CSMD1: variants seen among roughly 807,000 people sequenced by gnomAD.
CSMD1 encodes CUB and sushi domain-containing protein 1.
Under a neutral mutation model 417.5 loss-of-function variants are expected in CSMD1, and 213 were observed. The observed-to-expected ratio is 0.51, with a 90% CI of 0.46 to 0.57. The LOEUF is 0.57. CSMD1 is among the 20% of genes least tolerant of loss of function. The pLI is 0.00. For missense variants in CSMD1, 6,923 were observed against 4,529.7 expected (o/e 1.53, Z -15.17); for synonymous variants, 2,862 against 1,736.8 (o/e 1.65, Z -16.11).
intron 3 of CSMD1, among the ~76,000 whole-genome samples, chr8:4,375,995 G>C (rs1388357917): frequency 6.6e-6 from 1 of 152,140 alleles, no homozygotes; most frequent in African/African-American, 2.4e-5. Context: ...GTTTCTGAGA[G>C]CAGCCAAGGG....
chr8:3,631,697 G>T (rs1796791487), intron 7 of CSMD1, among the ~76,000 whole-genome samples: 1 of 152,158 alleles, frequency 6.6e-6, no homozygotes, highest in African/African-American at 2.4e-5. Context: ...TCAGACGGAG[G>T]GAAGAAATTT....
intron 37 of CSMD1, among the ~76,000 whole-genome samples, chr8:3,167,668 C>G (rs6558725): frequency 0.17 from 25,299 of 152,150 alleles, 7,022 homozygotes; most frequent in African/African-American, 0.57. Context: ...CCCCATGAAT[C>G]CAGCCTATGA....
chr8:4,866,801 C>A (rs1339813401), intron 1 of CSMD1, among the ~76,000 whole-genome samples: 2 of 151,916 alleles, frequency 1.3e-5, no homozygotes, highest in East Asian at 1.9e-4. Context: ...CAAAAATATT[C>A]CAATGATACA....
chr8:4,532,408 C>T (rs1563262548), intron 2 of CSMD1, among the ~76,000 whole-genome samples: 1 of 151,208 alleles, frequency 6.6e-6, no homozygotes, highest in Non-Finnish European at 1.5e-5. Context: ...CATTCAGTCA[C>T]TCCGGAAAAT....
chr8:4,007,324 C>A (rs67053416), intron 4 of CSMD1, among the ~76,000 whole-genome samples: 1 of 152,130 alleles, frequency 6.6e-6, no homozygotes, highest in Admixed American at 6.5e-5. Context: ...CCTCATCCTC[C>A]ACCTCCTTTG....
At chr8:4,044,482 G>T (rs2554559) in intron 3 of CSMD1, among the ~76,000 whole-genome samples, 1 of 151,980 alleles carries the variant, frequency 6.6e-6, no homozygotes, top group Non-Finnish European at 1.5e-5. Context: ...CACATCTCAG[G>T]GGACCAGCGA....
chr8:3,791,823 A>AAAT (rs201232733), intron 5 of CSMD1, among the ~76,000 whole-genome samples: 65 of 129,892 alleles, frequency 5.0e-4, no homozygotes, highest in African/African-American at 1.3e-3. Flanking sequence ...ACTCAGTATC[A>AAAT]AATAATAATA....
chr8:4,187,793 G>A (rs746330757), intron 3 of CSMD1, among the ~76,000 whole-genome samples: 8 of 151,704 alleles, frequency 5.3e-5, no homozygotes, highest in Non-Finnish European at 1.0e-4. Flanking sequence ...AAATAGGCAG[G>A]TATTATTATT....
At chr8:3,054,545 G>C (rs751583627) in intron 49 of CSMD1, among the ~76,000 whole-genome samples, 1 of 152,196 alleles carries the variant, frequency 6.6e-6, no homozygotes, top group Non-Finnish European at 1.5e-5. Flanking sequence ...TTAAGCCCAG[G>C]AGACAGAGGT....
chr8:3,770,974 T>A (rs114602963), intron 5 of CSMD1, among the ~76,000 whole-genome samples: 1,914 of 151,920 alleles, frequency 0.013, 36 homozygotes, highest in African/African-American at 0.043. Flanking sequence ...GCCCAGTGCA[T>A]GTTAATTTGG....
chr8:3,013,697 A>G (rs552860092), intron 52 of CSMD1, among the ~76,000 whole-genome samples: 1 of 151,826 alleles, frequency 6.6e-6, no homozygotes, highest in South Asian at 2.1e-4. Flanking sequence ...GGTTGCAGTG[A>G]GCTGAGATCA....
chr8:3,830,941 T>G (rs1802340332), intron 5 of CSMD1, among the ~76,000 whole-genome samples: 1 of 152,144 alleles, frequency 6.6e-6, no homozygotes, highest in South Asian at 2.1e-4. Flanking sequence ...TCTTAAGTTC[T>G]TTCTGAGGGA....
At chr8:3,722,947 T>C (rs531346390) in intron 6 of CSMD1, among the ~76,000 whole-genome samples, 18 of 152,258 alleles carry the variant, frequency 1.2e-4, no homozygotes, top group East Asian at 3.9e-4. Flanking sequence ...CCACATAAAT[T>C]ACTACCAACT....
In CSMD1 at chr8:4,154,140, T is replaced by A. The variant is rs1379858466; in HGVS notation, c.416-122041A>T. 3.9e-5 allele frequency among the ~76,000 whole-genome samples: 6 copies of A among 152,190 alleles called. No homozygotes were observed. The East Asian group carries it at 1.2e-3, about 29-fold the overall frequency. ...CTTCACAATCTGCGACAGCTGAGGG[T>A]GAGATATACAATTTTACACCTATGA... is the stretch of plus-strand genomic sequence containing the variant. On this transcript the variant is annotated intron_variant, in intron 3 of 69. Coordinates refer to ENST00000635120, the MANE Select transcript of CSMD1 (RefSeq NM_033225.6).
At chr8:3,306,947 A>C (rs1000568775) in intron 25 of CSMD1, among the ~76,000 whole-genome samples, 1 of 151,940 alleles carries the variant, frequency 6.6e-6, no homozygotes, top group African/African-American at 2.4e-5. Flanking sequence ...AAATGTTCAC[A>C]TCATTTTCTG....
chr8:4,693,719 A>G (rs562831656), intron 1 of CSMD1, among the ~76,000 whole-genome samples: 24 of 68,746 alleles, frequency 3.5e-4, no homozygotes, highest in African/African-American at 1.7e-3. Context: ...AGGCTGGAGT[A>G]CACTGACTAT....
chr8:4,020,392 C>T (rs544688153), intron 4 of CSMD1, among the ~76,000 whole-genome samples: 1 of 152,288 alleles, frequency 6.6e-6, no homozygotes, highest in African/African-American at 2.4e-5. Context: ...CTTAAACTGA[C>T]ACTGAGCATG....
At chr8:4,315,185 G>A (rs1677582834) in intron 3 of CSMD1, among the ~76,000 whole-genome samples, 2 of 152,164 alleles carry the variant, frequency 1.3e-5, no homozygotes, top group Admixed American at 1.3e-4. Context: ...TTTCTGCCCA[G>A]CTTCCACACC....
chr8:4,699,023 T>C (rs1563167130), intron 1 of CSMD1, among the ~76,000 whole-genome samples: 1 of 152,060 alleles, frequency 6.6e-6, no homozygotes, highest in Non-Finnish European at 1.5e-5. Flanking sequence ...TCTATGCCTT[T>C]CATTAACTTA....
Sources: allele counts gnomAD v4.1 joint callset (sites outside exome capture counted in the v4.1 genomes callset), GRCh38; gene constraint gnomAD v4.1.1; transcripts MANE v1.5; gene names NCBI Gene and HGNC (gene_info 2026-07-23, HGNC 2026-07-21).